Variants in UNC5D observed in about 807,000 individuals in gnomAD.
The protein encoded by UNC5D is unc-5 netrin receptor D, also known as netrin receptor UNC5D.
In UNC5D, 39 loss-of-function variants were observed where a neutral mutation model predicts 105.4. The ratio of observed to expected loss-of-function variants is 0.37; its 90% CI spans 0.29 to 0.48. UNC5D has a LOEUF of 0.48. UNC5D is among the 20% of genes least tolerant of loss of function. UNC5D has a pLI of 0.98. For missense variants in UNC5D, 991 were observed against 1,202.4 expected (o/e 0.82, Z 2.60); for synonymous variants, 452 against 450.4 (o/e 1.00, Z -0.04).
intron 1 of UNC5D, among the ~76,000 whole-genome samples, chr8:35,541,212 G>C (rs921479732): frequency 6.6e-6 from 1 of 152,168 alleles, no homozygotes; most frequent in Admixed American, 6.5e-5. Context: ...GGAAAGTGAC[G>C]TTTAGAAAAC....
intron 1 of UNC5D, among the ~76,000 whole-genome samples, chr8:35,428,727 G>A (rs1015156701): frequency 1.3e-5 from 2 of 151,992 alleles, no homozygotes; most frequent in Non-Finnish European, 2.9e-5. Context: ...ATCCAACAGG[G>A]TTTTCTAACA....
At chr8:35,669,302 TTTC>T (rs562267341) in intron 4 of UNC5D, among the ~76,000 whole-genome samples, 326 of 152,260 alleles carry the variant, frequency 2.1e-3, no homozygotes, top group African/African-American at 7.5e-3. Context: ...TCTTTTTCTC[TTTC>T]TTCATTTCAA....
At position 35,726,162 on chromosome 8, in the gene UNC5D, G is replaced by A. The variant is rs1276848723; in HGVS notation, c.1314G>A (p.Leu438=). The change falls in exon 10 of 17, where the codon CTG becomes CTA. Residue 438 remains leucine (L), a synonymous_variant. Transcript: ENST00000404895. ...NFKTVRQGNS[L]LLNSAMQPDL... ...ATTTTCTTTTACCAGGTAACTCCCT[G>A]CTCCTGAATTCTGCCATGCAGCCAG... 1 of 1,607,212 alleles carries A rather than the reference G, an allele frequency of 6.2e-7. No individual in the cohort carries two copies. Among genetic ancestry groups the A allele is most frequent in the Admixed American group, 1.7e-5 (1 of 59,716 alleles).
intron 8 of UNC5D, among the ~76,000 whole-genome samples, chr8:35,709,893 T>C (rs982223182): frequency 1.3e-5 from 2 of 151,846 alleles, no homozygotes; most frequent in African/African-American, 4.8e-5. Context: ...GAATGAGAAG[T>C]GGAGAATAGT....
At position 35,791,296 on chromosome 8, in the gene UNC5D, A is replaced by C. The variant is rs943347586; in HGVS notation, c.*733A>C. ...AGGGAGGTATCAAGGAGCATAATTA[A>C]ACTTGTCAATACGGAAAGTTGTTTT... On this transcript the variant is annotated 3_prime_UTR_variant, in exon 17 of 17. Transcript: ENST00000404895. 2 of 152,604 alleles carry C rather than the reference A, an allele frequency of 1.3e-5. No individual in the cohort carries two copies. The highest frequency in any genetic ancestry group is 2.4e-5 in the African/African-American group (1 of 41,440). The allele number at this position is 152,604 out of a possible 1,614,324, so 9.5% of individuals were successfully genotyped here. A position where few individuals can be genotyped will look rare whatever the true frequency, so the allele number is the denominator to read the frequency against.
chr8:35,724,573 A>G (rs901754689), intron 9 of UNC5D, among the ~76,000 whole-genome samples: 3 of 152,204 alleles, frequency 2.0e-5, no homozygotes, highest in Non-Finnish European at 2.9e-5. Flanking sequence ...CGTGGATGCT[A>G]TCATATGTAC....
At position 35,766,985 on chromosome 8, in the gene UNC5D, C is replaced by T. The variant is rs764568963; in HGVS notation, c.2397C>T (p.Thr799=). 12 of 1,613,992 alleles carry T rather than the reference C, an allele frequency of 7.4e-6. No individual in the cohort carries two copies. Among genetic ancestry groups the T allele is most frequent in the African/African-American group, 1.3e-5 (1 of 74,940 alleles). The change falls in exon 15 of 17, where the codon ACC becomes ACT. Residue 799 remains threonine (T), a synonymous_variant. Transcript: ENST00000404895. ...AFSLERYTPT[T]TQLSCKICIR... ...CCCTGGAGCGTTATACGCCCACTAC[C>T]ACCCAGCTGTCCTGCAAAATCTGCA...
At chr8:35,730,939 A>C in intron 10 of UNC5D, 73 bp from the exon 11 acceptor site, 2 of 1,362,224 alleles carry the variant, frequency 1.5e-6, no homozygotes, top group Admixed American at 1.8e-5. Flanking sequence ...AGGTATCTGT[A>C]AGGTGCTCGA....
chr8:35,731,430 GGGCATTTTAAATAT>G (rs1212257796), intron 11 of UNC5D, among the ~76,000 whole-genome samples: 1 of 111,190 alleles, frequency 9.0e-6, no homozygotes, highest in East Asian at 2.5e-4. Flanking sequence ...AAAAAAAAAA[GGGCATTTTAAATAT>G]GGACTGGAAC....
intron 1 of UNC5D, among the ~76,000 whole-genome samples, chr8:35,463,137 G>A (rs1190015375): frequency 1.3e-5 from 2 of 152,102 alleles, no homozygotes; most frequent in African/African-American, 4.8e-5. Flanking sequence ...GTCTGTTGCA[G>A]CCTTGGATGG....
intron 1 of UNC5D, among the ~76,000 whole-genome samples, chr8:35,507,094 C>T (rs1450348188): frequency 3.4e-5 from 4 of 116,416 alleles, no homozygotes; most frequent in Non-Finnish European, 4.9e-5. Context: ...CTCGCTCTGT[C>T]GCCCAGGCTG....
chr8:35,322,407 A>C (rs374825382), intron 1 of UNC5D, among the ~76,000 whole-genome samples: 14 of 152,090 alleles, frequency 9.2e-5, no homozygotes, highest in Admixed American at 9.2e-4. Context: ...TGAAAAACAC[A>C]AAACACTTGT....
rs189152152 is a variant in UNC5D at position 35,792,703 on chromosome 8, A to G, written c.*2140A>G. 6 of 242,930 alleles carry G rather than the reference A, an allele frequency of 2.5e-5. No homozygotes were observed. In the East Asian group the frequency reaches 7.8e-4, roughly 32 times the overall value. The allele number at this position is 242,930 out of a possible 1,614,324, so 15.0% of individuals were successfully genotyped here. A position where few individuals can be genotyped will look rare whatever the true frequency, so the allele number is the denominator to read the frequency against. The stretch of plus-strand genomic sequence containing the variant: ...AGTAAAAACTTGTAGAAAGCACATT[A>G]TAGAGCTTATGTTGGAATCCATCTT... On this transcript the variant is annotated 3_prime_UTR_variant, in exon 17 of 17. Coordinates refer to ENST00000404895, the MANE Select transcript of UNC5D (RefSeq NM_080872.4).
chr8:35,655,989 A>C (rs1823708583), intron 4 of UNC5D, among the ~76,000 whole-genome samples: 1 of 152,166 alleles, frequency 6.6e-6, no homozygotes, highest in African/African-American at 2.4e-5. Context: ...ATTAATATTA[A>C]ATCTTTCTTT....
intron 1 of UNC5D, among the ~76,000 whole-genome samples, chr8:35,418,606 T>C (rs1298880134): frequency 6.6e-6 from 1 of 152,204 alleles, no homozygotes; most frequent in East Asian, 1.9e-4. Context: ...CAAGATCTGG[T>C]CTCAGTTCCT....
At chr8:35,371,488 C>A (rs1802425791) in intron 1 of UNC5D, among the ~76,000 whole-genome samples, 1 of 152,074 alleles carries the variant, frequency 6.6e-6, no homozygotes, top group Non-Finnish European at 1.5e-5. Context: ...TAGAGACATG[C>A]AAAACTCATA....
chr8:35,443,159 A>G (rs1807550146), intron 1 of UNC5D, among the ~76,000 whole-genome samples: 1 of 151,874 alleles, frequency 6.6e-6, no homozygotes, highest in Non-Finnish European at 1.5e-5. Flanking sequence ...CTAAAACCCA[A>G]GTAACCGTAT....
chr8:35,701,337 G>A (rs1827181447), intron 7 of UNC5D, among the ~76,000 whole-genome samples: 1 of 152,178 alleles, frequency 6.6e-6, no homozygotes, highest in South Asian at 2.1e-4. Flanking sequence ...TCTGTCTGCA[G>A]CCCTCACTCT....
At chr8:35,482,330 A>G (rs1810533609) in intron 1 of UNC5D, among the ~76,000 whole-genome samples, 2 of 152,204 alleles carry the variant, frequency 1.3e-5, no homozygotes, top group South Asian at 4.1e-4. Flanking sequence ...AGGTATTACT[A>G]TTGATAAACT....
Sources: allele counts gnomAD v4.1 joint callset (sites outside exome capture counted in the v4.1 genomes callset), GRCh38; gene constraint gnomAD v4.1.1; transcripts MANE v1.5; gene names NCBI Gene and HGNC (gene_info 2026-07-23, HGNC 2026-07-21).